Variants in DACH2 observed in about 807,000 individuals in gnomAD.
DACH2 encodes dachshund homolog 2.
Under a neutral mutation model 35.8 loss-of-function variants are expected in DACH2, and 17 were observed. The observed-to-expected ratio is 0.48, with a 90% CI of 0.33 to 0.71. The LOEUF (loss-of-function observed/expected upper bound fraction) is 0.71. DACH2 is among the 30% of genes least tolerant of loss of function. The pLI is 0.02. For synonymous variants in DACH2, 195 were observed against 177.3 expected, an observed-to-expected ratio of 1.10 and a Z score of -0.79; for missense variants, 469 against 472.7, an observed-to-expected ratio of 0.99 and a Z score of 0.07.
chrX:86,149,432 G>T (rs964519516), intron 1 of DACH2, among the ~76,000 whole-genome samples: 4 of 111,870 alleles, frequency 3.6e-5, no homozygotes, highest in Admixed American at 2.8e-4. Context: ...TCTCTATTTG[G>T]TTTTCTTTCC....
At chrX:86,301,352 C>T (rs1053911166) in intron 1 of DACH2, among the ~76,000 whole-genome samples, 8 of 111,809 alleles carry the variant, frequency 7.2e-5, no homozygotes, top group African/African-American at 2.3e-4. Context: ...AAATATATTA[C>T]TGAAGACATT....
intron 1 of DACH2, among the ~76,000 whole-genome samples, chrX:86,359,663 C>T (rs73520064): frequency 9.0e-6 from 1 of 110,785 alleles, no homozygotes; most frequent in African/African-American, 3.3e-5. Flanking sequence ...GGGAGAGAAT[C>T]GCTTGAGCCC....
In DACH2 at chrX:86,757,028, G is replaced by T. The variant is rs1420159861; in HGVS notation, c.1240+17146G>T. 2.7e-5 allele frequency among the ~76,000 whole-genome samples: 3 copies of T among 111,462 alleles called. No homozygotes were observed. In the East Asian group the frequency reaches 8.4e-4, roughly 31 times the overall value. ...ATTCTGTTGATGTATTATGTTTACTGATTTGTGTATGTTGAACTATCGTTA... is the reference window on the plus strand; with the variant it reads ...ATTCTGTTGATGTATTATGTTTACTTATTTGTGTATGTTGAACTATCGTTA... On this transcript the variant is annotated intron_variant, in intron 7 of 11. Coordinates refer to ENST00000373125, the MANE Select transcript of DACH2 (RefSeq NM_053281.3).
chrX:86,283,300 AC>A lies in DACH2; in HGVS notation c.489-93522del, dbSNP rs200448758. ...GTTGGTTGGAGTTTAAATTAATTCA[AC>A]CATTGTGGAAGACAGTGTGGCAATT... On this transcript the variant is annotated intron_variant, in intron 1 of 11. Transcript: ENST00000373125. Among the ~76,000 whole-genome samples the A allele has an allele frequency of 8.9e-3, 995 of 111,552 alleles. 7 individuals are homozygous for A. Among genetic ancestry groups the A allele is most frequent in the African/African-American group, 0.028 (843 of 30,615 alleles).
chrX:86,314,706 G>C (rs898243144), intron 1 of DACH2, among the ~76,000 whole-genome samples: 5 of 112,099 alleles, frequency 4.5e-5, no homozygotes, highest in Non-Finnish European at 7.5e-5. Flanking sequence ...ACAGGCTTTT[G>C]CTGATGTGAA....
chrX:86,707,905 C>A (rs1397316362), intron 5 of DACH2, among the ~76,000 whole-genome samples: 2 of 9,569 alleles, frequency 2.1e-4, no homozygotes, highest in Non-Finnish European at 3.8e-4. Context: ...CAGAGTAAGA[C>A]TCCATCTAAA....
intron 6 of DACH2, among the ~76,000 whole-genome samples, chrX:86,717,884 C>G (rs1398015986): frequency 9.4e-6 from 1 of 106,165 alleles, no homozygotes; most frequent in African/African-American, 3.4e-5. Context: ...ATATATCTTG[C>G]AGTTTTTCTT....
chrX:86,712,816 G>A (rs368418925), intron 5 of DACH2, among the ~76,000 whole-genome samples: 4 of 110,774 alleles, frequency 3.6e-5, no homozygotes, highest in Non-Finnish European at 5.7e-5. Context: ...AAGTGAACAC[G>A]GATAGGAGAA....
intron 2 of DACH2, among the ~76,000 whole-genome samples, chrX:86,478,559 T>A (rs1238774897): frequency 1.9e-5 from 2 of 105,912 alleles, no homozygotes; most frequent in Non-Finnish European, 3.9e-5. Context: ...TTTTTTTTTT[T>A]ATGTCACTAT....
At chrX:86,490,697 C>T (rs912430050) in intron 2 of DACH2, among the ~76,000 whole-genome samples, 2 of 110,689 alleles carry the variant, frequency 1.8e-5, no homozygotes, top group Non-Finnish European at 3.8e-5. Flanking sequence ...TTCCTTTATT[C>T]GATAAGTCTG....
chrX:86,746,809 C>T (rs2041717375), intron 7 of DACH2, among the ~76,000 whole-genome samples: 1 of 110,984 alleles, frequency 9.0e-6, no homozygotes, highest in Non-Finnish European at 1.9e-5. Flanking sequence ...GACACATGTG[C>T]TTTTGGTGTT....
intron 1 of DACH2, among the ~76,000 whole-genome samples, chrX:86,291,680 A>G: frequency 9.6e-6 from 1 of 104,399 alleles, no homozygotes; most frequent in Middle Eastern, 4.8e-3. Context: ...CTATTGAGAT[A>G]ATCATGTGGT....
intron 6 of DACH2, among the ~76,000 whole-genome samples, chrX:86,739,255 A>G (rs1203794848): frequency 9.0e-6 from 1 of 111,657 alleles, no homozygotes; most frequent in Middle Eastern, 4.2e-3. Flanking sequence ...CAAGTATATT[A>G]TTTCTATAAA....
At chrX:86,450,228 T>C (rs2037348886) in intron 2 of DACH2, among the ~76,000 whole-genome samples, 1 of 110,565 alleles carries the variant, frequency 9.0e-6, no homozygotes, top group South Asian at 3.9e-4. Flanking sequence ...CCATCCTCCA[T>C]GACCCCCAAC....
At chrX:86,554,396 T>C (rs747980804) in intron 3 of DACH2, among the ~76,000 whole-genome samples, 1 of 111,926 alleles carries the variant, frequency 8.9e-6, no homozygotes, top group Non-Finnish European at 1.9e-5. Flanking sequence ...TATTATTAAG[T>C]TGTTTGTCAT....
At chrX:86,503,210 T>C (rs1569422794) in intron 2 of DACH2, among the ~76,000 whole-genome samples, 1 of 112,011 alleles carries the variant, frequency 8.9e-6, no homozygotes, top group Non-Finnish European at 1.9e-5. Context: ...GTTTTAGGCA[T>C]TGAACCGTGA....
chrX:86,478,542 CTTT>C (rs767463672), intron 2 of DACH2, among the ~76,000 whole-genome samples: 1 of 86,939 alleles, frequency 1.2e-5, no homozygotes, highest in Non-Finnish European at 2.3e-5. Flanking sequence ...TTTTGTTTTT[CTTT>C]TTTTTTTTTT....
intron 2 of DACH2, among the ~76,000 whole-genome samples, chrX:86,455,553 A>C (rs2037461020): frequency 8.9e-6 from 1 of 112,495 alleles, no homozygotes; most frequent in Non-Finnish European, 1.9e-5. Flanking sequence ...TTAAAGAAGC[A>C]GTCTGGCCAC....
intron 2 of DACH2, among the ~76,000 whole-genome samples, chrX:86,441,430 G>A (rs1360919512): frequency 9.1e-6 from 1 of 109,556 alleles, no homozygotes; most frequent in Non-Finnish European, 1.9e-5. Context: ...CATCCATGTT[G>A]TTGCGAATGA....
Sources: gnomAD v4.1 joint callset for allele counts (sites outside exome capture counted in the v4.1 genomes callset) on GRCh38, gnomAD v4.1.1 for gene constraint, MANE v1.5 for transcripts, NCBI Gene and HGNC (gene_info 2026-07-23, HGNC 2026-07-21) for gene names.